Variants in MIDEAS observed in about 807,000 individuals in gnomAD.
MIDEAS encodes mitotic deacetylase-associated SANT domain protein.
MIDEAS carries 26 observed loss-of-function variants against 102.7 expected under a neutral mutation model. The ratio of observed to expected loss-of-function variants is 0.25; its 90% CI spans 0.19 to 0.35. MIDEAS has a LOEUF of 0.35. MIDEAS is among the 10% of genes least tolerant of loss of function. MIDEAS has a pLI of 1.00. For synonymous variants in MIDEAS, 585 were observed against 591.0 expected (o/e 0.99, Z 0.15); for missense variants, 1,231 against 1,435.6 (o/e 0.86, Z 2.30).
At chr14:73,729,070 T>C (rs566009265) in intron 4 of MIDEAS, 1 of 152,892 alleles carries the variant, frequency 6.5e-6, no homozygotes, top group South Asian at 2.0e-4. Context: ...CTTTATGGAG[T>C]GGGCAACATT....
chr14:73,733,073 C>A (rs946920232), intron 3 of MIDEAS, among the ~76,000 whole-genome samples: 8 of 151,648 alleles, frequency 5.3e-5, no homozygotes, highest in Non-Finnish European at 1.0e-4. Flanking sequence ...GCCTGAGCCA[C>A]AAGGGCGAAA....
chr14:73,762,251 A>T (rs548631573), upstream of MIDEAS, among the ~76,000 whole-genome samples: 3 of 152,332 alleles, frequency 2.0e-5, no homozygotes, highest in East Asian at 5.8e-4. Flanking sequence ...ACTGGGAAGC[A>T]CATTGCTAGA....
intron 1 of MIDEAS, among the ~76,000 whole-genome samples, chr14:73,770,348 G>A (rs554630739): frequency 7.3e-6 from 1 of 137,148 alleles, no homozygotes; most frequent in Admixed American, 8.0e-5. Context: ...TAACGACGGT[G>A]ATGATGATGA....
rs370387448 is a variant in MIDEAS, at chr14:73,757,279, C to CAAAAAAAAAAAAAAAAAAAAA, written c.-248+2483_-248+2484insTTTTTTTTTTTTTTTTTTTTT. ...AGAGAAAGACCCTATCTCTAACAAC[C>CAAAAAAAAAAAAAAAAAAAAA]AAAAAAAAAAAAAAACACTAAACAC... On this transcript the variant is annotated intron_variant, in intron 1 of 12. Coordinates refer to ENST00000423556, the MANE Select transcript of MIDEAS (RefSeq NM_001367710.1). Among the ~76,000 whole-genome samples, 31 of 67,710 alleles carry CAAAAAAAAAAAAAAAAAAAAA rather than the reference C, an allele frequency of 4.6e-4. 5 individuals carry two copies. The highest frequency in any genetic ancestry group is 1.8e-3 in the East Asian group (2 of 1,084). 44.4% of individuals were successfully genotyped at this position (67,710 alleles called of 152,430 possible).
chr14:73,766,937 C>T (rs551149482), intron 1 of MIDEAS, among the ~76,000 whole-genome samples: 258 of 147,004 alleles, frequency 1.8e-3, no homozygotes, highest in African/African-American at 6.3e-3. Flanking sequence ...CTCACTGCAA[C>T]CTCCGACTTC....
At chr14:73,774,021 CAAA>C (rs11322935) in intron 1 of MIDEAS, among the ~76,000 whole-genome samples, 24 of 113,026 alleles carry the variant, frequency 2.1e-4, no homozygotes, top group Admixed American at 3.6e-4. Flanking sequence ...GACTGAATCT[CAAA>C]AAAAAAAAAA....
At chr14:73,765,973 T>C (rs187788904) in intron 1 of MIDEAS, among the ~76,000 whole-genome samples, 2 of 152,316 alleles carry the variant, frequency 1.3e-5, no homozygotes, top group Admixed American at 6.5e-5. Flanking sequence ...ACCAATTCAA[T>C]AGTGGTGCAA....
Position 73,726,870 on chromosome 14 carries a change from T to C in MIDEAS, c.2265A>G (p.Pro755=). 1 of 1,612,692 alleles carries C rather than the reference T, an allele frequency of 6.2e-7. No individual in the cohort carries two copies. The highest frequency in any genetic ancestry group is 2.2e-5 in the East Asian group (1 of 44,826). The part of the protein sequence containing the change: ...DPHKADLVWQ[P]WEDLESSREK... Reference sequence around the variant, plus strand: ...CCCGGCTGCTCTCTAGGTCCTCCCATGGCTGCCACACCAAGTCAGCCTTGT... The same window carrying C: ...CCCGGCTGCTCTCTAGGTCCTCCCACGGCTGCCACACCAAGTCAGCCTTGT... The change falls in exon 6 of 13, where the codon CCA becomes CCG. Residue 755 remains proline, a synonymous_variant. Coordinates refer to ENST00000423556, the MANE Select transcript of MIDEAS (RefSeq NM_001367710.1).
intron 1 of MIDEAS, among the ~76,000 whole-genome samples, chr14:73,748,073 T>C (rs1455109278): frequency 5.3e-5 from 8 of 152,178 alleles, no homozygotes; most frequent in Admixed American, 3.9e-4. Flanking sequence ...TCTCGTTATT[T>C]ACAGACCAGG....
In MIDEAS at chr14:73,737,097, G is replaced by A. The variant is rs371285703; in HGVS notation, c.1650C>T (p.Asp550=). The A allele has an allele frequency of 1.6e-4, 257 of 1,614,020 alleles. 1 individual carries two copies. The highest frequency in any genetic ancestry group is 9.9e-4 in the South Asian group (90 of 91,070). Residue 550 remains aspartate (D), a synonymous_variant, in exon 3 of 13, where the codon GAC becomes GAT. Coordinates refer to ENST00000423556, the MANE Select transcript of MIDEAS (RefSeq NM_001367710.1). ...CAGGGTTCTGTTCAGGACCCTTCCC[G>A]TCCTCATCAAGACCTCCAGCCTGGG... The part of the protein sequence containing the change: ...EAAQAGGLDE[D]GKGPEQNPAE...
intron 1 of MIDEAS, among the ~76,000 whole-genome samples, chr14:73,748,708 G>A (rs1380818629): frequency 6.6e-6 from 1 of 150,686 alleles, no homozygotes; most frequent in African/African-American, 2.5e-5. Context: ...GGTGGAGGCT[G>A]CAGTGAGCCA....
At chr14:73,755,782 T>C (rs2053472197) in intron 1 of MIDEAS, among the ~76,000 whole-genome samples, 1 of 152,198 alleles carries the variant, frequency 6.6e-6, no homozygotes, top group South Asian at 2.1e-4. Context: ...AGTGGCCTGG[T>C]AGATTGCTTT....
rs372337630 is a variant in MIDEAS at position 73,727,058 on chromosome 14, G to C, written c.2163-86C>G. 138 of 1,495,206 alleles carry C rather than the reference G, an allele frequency of 9.2e-5. No individual in the cohort carries two copies. The East Asian group carries it at 2.8e-3, about 31-fold the overall frequency. The allele number at this position is 1,495,206 out of a possible 1,614,324, so 92.6% of individuals were successfully genotyped here. ...ATCCCTCAGGGTGGGAAGAAGATGAGGGGGAGCCGGCAGAGCAAGGCCTCA... is the reference window on the plus strand; with the variant it reads ...ATCCCTCAGGGTGGGAAGAAGATGACGGGGAGCCGGCAGAGCAAGGCCTCA... On this transcript the variant is annotated intron_variant, in intron 5 of 12. Coordinates refer to ENST00000423556, the MANE Select transcript of MIDEAS (RefSeq NM_001367710.1).
intron 1 of MIDEAS, among the ~76,000 whole-genome samples, chr14:73,783,537 G>A (rs2053775625): frequency 6.6e-6 from 1 of 152,186 alleles, no homozygotes; most frequent in East Asian, 1.9e-4. Flanking sequence ...TGCAGACAGT[G>A]GGGAGCCATT....
chr14:73,727,759 G>A (rs1271075454), intron 4 of MIDEAS: 15 of 505,912 alleles, frequency 3.0e-5, no homozygotes, highest in Non-Finnish European at 3.8e-5. Flanking sequence ...ATCACTACCT[G>A]TCTCCTACGG....
At chr14:73,747,552 C>CT (rs2053368460) in intron 1 of MIDEAS, among the ~76,000 whole-genome samples, 1 of 152,218 alleles carries the variant, frequency 6.6e-6, no homozygotes, top group South Asian at 2.1e-4. Context: ...AGATTCAAAT[C>CT]TAAGCCTCCT....
intron 3 of MIDEAS, among the ~76,000 whole-genome samples, chr14:73,733,762 T>C (rs1279441886): frequency 6.6e-6 from 1 of 152,172 alleles, no homozygotes; most frequent in African/African-American, 2.4e-5. Context: ...TGGTACGATC[T>C]TGGCTTACTA....
chr14:73,745,518 C>T (rs748917839), intron 1 of MIDEAS, among the ~76,000 whole-genome samples: 2 of 152,152 alleles, frequency 1.3e-5, no homozygotes, highest in African/African-American at 4.8e-5. Flanking sequence ...ACCAGAGGAG[C>T]ACAGCATGGC....
intron 1 of MIDEAS, among the ~76,000 whole-genome samples, chr14:73,769,097 G>T (rs1036641866): frequency 3.9e-5 from 6 of 152,206 alleles, no homozygotes; most frequent in Non-Finnish European, 7.3e-5. Flanking sequence ...ACAGCCTGTG[G>T]CTCCTCCCAG....
Sources: allele counts gnomAD v4.1 joint callset (sites outside exome capture counted in the v4.1 genomes callset), GRCh38; gene constraint gnomAD v4.1.1; transcripts MANE v1.5; gene names NCBI Gene and HGNC (gene_info 2026-07-23, HGNC 2026-07-21).